Variants in PLCE1 observed in about 807,000 individuals in gnomAD.
PLCE1 encodes phospholipase C epsilon 1, also known as 1-phosphatidylinositol 4,5-bisphosphate phosphodiesterase epsilon-1.
Under a neutral mutation model 242.8 loss-of-function variants are expected in PLCE1, and 119 were observed. That is an observed-to-expected ratio of 0.49 (90% CI 0.42 to 0.57). PLCE1 has a LOEUF of 0.57. PLCE1 is among the 20% of genes least tolerant of loss of function. The pLI, the probability that PLCE1 is intolerant of heterozygous loss-of-function variation, is 0.00. For synonymous variants in PLCE1, 945 were observed against 1,017.4 expected (o/e 0.93, Z 1.35); for missense variants, 2,441 against 2,788.8 (o/e 0.88, Z 2.81).
In PLCE1 at chr10:94,032,217, G is replaced by A; in HGVS notation, c.1171G>A (p.Gly391Arg). The A allele has an allele frequency of 1.2e-6, 2 of 1,613,238 alleles. No homozygotes were observed. The highest frequency in any genetic ancestry group is 2.2e-5 in the East Asian group (1 of 44,850). Residue 391 changes from glycine to arginine, a missense_variant, in exon 2 of 33, where the codon GGG becomes AGG. Physicochemically the swap from Gly to Arg is moderately radical, Grantham distance 125. This residue lies in a region of PLCE1 where 733 missense variants were observed against 754.2 expected (regional missense o/e 0.97). Coordinates refer to ENST00000371380, the MANE Select transcript of PLCE1 (RefSeq NM_016341.4). ...PPSTVEIRQD[G>R]SQRLSEAQWY... ...GTCAACAGTGGAGATAAGGCAAGAT[G>A]GGAGCCAACGTCTGTCAGAAGCCCA...
intron 22 of PLCE1, among the ~76,000 whole-genome samples, chr10:94,289,585 G>A (rs968948711): frequency 9.2e-5 from 14 of 152,178 alleles, no homozygotes; most frequent in African/African-American, 2.9e-4. Flanking sequence ...CAGCCTGTAC[G>A]GCATGTTACT....
At chr10:94,227,022 G>A (rs938075234) in intron 4 of PLCE1, 5 of 360,100 alleles carry the variant, frequency 1.4e-5, no homozygotes, top group East Asian at 7.1e-5. Flanking sequence ...AATTATAGGC[G>A]CCTGCCACCA....
At chr10:94,255,914 A>ACACACTCTCTCT (rs1284531207) in intron 11 of PLCE1, among the ~76,000 whole-genome samples, 52 of 67,320 alleles carry the variant, frequency 7.7e-4, no homozygotes, top group African/African-American at 1.4e-3. Context: ...ACACACACAC[A>ACACACTCTCTCT]CTCTCTCTCT....
chr10:94,179,664 C>T (rs767762876), intron 4 of PLCE1, among the ~76,000 whole-genome samples: 14 of 151,532 alleles, frequency 9.2e-5, no homozygotes, highest in Non-Finnish European at 1.9e-4. Flanking sequence ...CACCACCTCG[C>T]CTGGCTAATT....
chr10:94,026,058 A>G (rs902089574), intron 1 of PLCE1, among the ~76,000 whole-genome samples: 10 of 152,182 alleles, frequency 6.6e-5, no homozygotes, highest in Admixed American at 4.6e-4. Context: ...CAGATGGCTT[A>G]CCAGATTTGG....
At chr10:94,315,590 G>C (rs568883958) in intron 28 of PLCE1, 1 of 439,476 alleles carries the variant, frequency 2.3e-6, no homozygotes, top group East Asian at 7.0e-5. Context: ...CCAACATGGT[G>C]AAACCCTGTC....
intron 7 of PLCE1, among the ~76,000 whole-genome samples, chr10:94,245,372 A>G (rs993631038): frequency 6.6e-6 from 1 of 152,226 alleles, no homozygotes; most frequent in Non-Finnish European, 1.5e-5. Context: ...CATAATAAAG[A>G]TTATTGTTGT....
At chr10:94,068,151 T>C (rs2044248155) in intron 2 of PLCE1, among the ~76,000 whole-genome samples, 1 of 152,184 alleles carries the variant, frequency 6.6e-6, no homozygotes, top group Non-Finnish European at 1.5e-5. Context: ...CACCTATGTC[T>C]GAAATGCCCA....
chr10:94,135,093 A>T (rs1279886017), intron 3 of PLCE1, among the ~76,000 whole-genome samples: 1 of 152,212 alleles, frequency 6.6e-6, no homozygotes, highest in Admixed American at 6.5e-5. Context: ...TTTAACATGC[A>T]GTGGAAGAAA....
intron 4 of PLCE1, among the ~76,000 whole-genome samples, chr10:94,179,135 G>A (rs1362460444): frequency 6.6e-6 from 1 of 152,124 alleles, no homozygotes. Context: ...ACATTTCACA[G>A]CACATTCCAG....
intron 4 of PLCE1, among the ~76,000 whole-genome samples, chr10:94,213,336 T>A (rs186023252): frequency 2.6e-5 from 4 of 152,232 alleles, no homozygotes; most frequent in Non-Finnish European, 5.9e-5. Flanking sequence ...GCCAATGTCA[T>A]GTGATGTGGT....
At chr10:93,995,034 T>C (rs1478728857) in intron 1 of PLCE1, among the ~76,000 whole-genome samples, 1 of 152,210 alleles carries the variant, frequency 6.6e-6, no homozygotes, top group East Asian at 1.9e-4. Context: ...AGGATTGGTA[T>C]GTTTTCATGT....
intron 4 of PLCE1, among the ~76,000 whole-genome samples, chr10:94,191,396 C>CT (rs940439925): frequency 6.6e-6 from 1 of 152,134 alleles, no homozygotes; most frequent in Admixed American, 6.5e-5. Flanking sequence ...GATCCCAGCA[C>CT]TTTGGGAGGC....
chr10:94,292,454 A>C lies in PLCE1; in HGVS notation c.5036-1054A>C, dbSNP rs193016122. Among the ~76,000 whole-genome samples the C allele has an allele frequency of 2.6e-4, 39 of 152,314 alleles. No homozygotes were observed. The East Asian group carries it at 5.0e-3, about 20-fold the overall frequency. On this transcript the variant is annotated intron_variant, in intron 22 of 32. Coordinates refer to ENST00000371380, the MANE Select transcript of PLCE1 (RefSeq NM_016341.4). The stretch of plus-strand genomic sequence containing the variant: ...ATTCCAAAATCCGAAGAAATCTGAA[A>C]TCTGAAACACTTTCATGTCCCAAGC...
rs189848141 is a variant in PLCE1 at position 94,272,328 on chromosome 10, C to T, written c.4507-1234C>T. ...AGGAAAAGAATTTAGCAATATCTCT[C>T]CTACTTGCACGTCTGTTTATAGGCT... On this transcript the variant is annotated intron_variant, in intron 18 of 32. Coordinates refer to ENST00000371380, the MANE Select transcript of PLCE1 (RefSeq NM_016341.4). 8.3e-4 allele frequency among the ~76,000 whole-genome samples: 126 copies of T among 152,302 alleles called. 1 individual carries two copies. The highest frequency in any genetic ancestry group is 2.7e-3 in the African/African-American group (114 of 41,574).
At chr10:94,179,530 T>TTTTTTTTTTTTTTTTTTTTC (rs10636243) in intron 4 of PLCE1, among the ~76,000 whole-genome samples, 1 of 118,826 alleles carries the variant, frequency 8.4e-6, no homozygotes, top group South Asian at 3.0e-4. Context: ...TTTTTTTTTT[T>TTTTTTTTTTTTTTTTTTTTC]GACAGGGTCT....
At chr10:94,313,671 A>G (rs1589524138) in intron 28 of PLCE1, among the ~76,000 whole-genome samples, 1 of 152,188 alleles carries the variant, frequency 6.6e-6, no homozygotes, top group East Asian at 1.9e-4. Flanking sequence ...AATGATAAAG[A>G]CCGGAATGAG....
At chr10:94,103,373 C>T (rs1389132879) in intron 2 of PLCE1, among the ~76,000 whole-genome samples, 1 of 152,188 alleles carries the variant, frequency 6.6e-6, no homozygotes, top group Non-Finnish European at 1.5e-5. Flanking sequence ...GCATCTAAGC[C>T]AGGGGAGTGG....
intron 2 of PLCE1, among the ~76,000 whole-genome samples, chr10:94,052,455 C>T (rs2043791901): frequency 6.6e-6 from 1 of 152,150 alleles, no homozygotes; most frequent in South Asian, 2.1e-4. Context: ...TCTGTATTGC[C>T]TGACTGTAAA....
Sources: allele counts gnomAD v4.1 joint callset (sites outside exome capture counted in the v4.1 genomes callset), GRCh38; gene constraint gnomAD v4.1.1; regional missense constraint gnomAD v4.1.1; transcripts MANE v1.5; gene names NCBI Gene and HGNC (gene_info 2026-07-23, HGNC 2026-07-21).